Variants in FAM120B observed in about 807,000 individuals in gnomAD.
FAM120B encodes family with sequence similarity 120 member B, also known as constitutive coactivator of peroxisome proliferator-activated receptor gamma.
A neutral mutation model predicts 96.3 loss-of-function variants in FAM120B; 83 were observed. The observed-to-expected ratio is 0.86, with a 90% CI of 0.72 to 1.03. The LOEUF (loss-of-function observed/expected upper bound fraction) is 1.03. Ranked by LOEUF, FAM120B falls within the 50% of genes least tolerant of loss-of-function variation. The pLI is 0.00. For synonymous variants in FAM120B, 407 were observed against 402.7 expected (o/e 1.01, Z -0.13); for missense variants, 1,027 against 1,121.2 (o/e 0.92, Z 1.20).
chr6:170,340,300 G>A lies in FAM120B; in HGVS notation c.2018-7851G>A, dbSNP rs527840342. On this transcript the variant is annotated intron_variant, in intron 4 of 10. Transcript: ENST00000476287. ...TTGATTTGGCTATTGATACTTGTGT[G>A]TGCTTCACGAAGTTCTCGTGCTGTG... Among the ~76,000 whole-genome samples the A allele has an allele frequency of 1.1e-4, 17 of 152,082 alleles. No homozygotes were observed. The East Asian group carries it at 3.3e-3, about 29-fold the overall frequency.
intron 5 of FAM120B, among the ~76,000 whole-genome samples, chr6:170,356,192 T>C (rs948277830): frequency 1.3e-5 from 2 of 152,192 alleles, no homozygotes; most frequent in African/African-American, 2.4e-5. Context: ...AAATTTCCAC[T>C]TTACCTTTTT....
chr6:170,371,763 G>A (rs1210092775), intron 6 of FAM120B, among the ~76,000 whole-genome samples: 1 of 152,220 alleles, frequency 6.6e-6, no homozygotes, highest in African/African-American at 2.4e-5. Flanking sequence ...CTTGAAGAGT[G>A]TCTGCCATTC....
At chr6:170,302,363 C>T (rs1445711394), upstream of FAM120B, among the ~76,000 whole-genome samples, 2 of 152,168 alleles carry the variant, frequency 1.3e-5, no homozygotes, top group Non-Finnish European at 2.9e-5. Flanking sequence ...CCCACCAGGT[C>T]CTTCCCATGA....
intron 1 of FAM120B, chr6:170,298,157 C>T (rs1249846462): frequency 1.3e-5 from 2 of 152,204 alleles, no homozygotes; most frequent in Admixed American, 6.5e-5. Context: ...TCTTTCCTTT[C>T]CTTCCATTGT....
chr6:170,329,845 C>T (rs951899081), intron 3 of FAM120B, among the ~76,000 whole-genome samples: 3 of 152,148 alleles, frequency 2.0e-5, no homozygotes, highest in Non-Finnish European at 1.5e-5. Context: ...GGCCTGCTTC[C>T]CCCAGCCCTG....
In FAM120B at chr6:170,318,813, A is replaced by T; in HGVS notation, c.1423A>T (p.Met475Leu). 6.2e-7 allele frequency: 1 copy of T among 1,614,220 alleles called. No homozygotes were observed. The highest frequency in any genetic ancestry group is 8.5e-7 in the Non-Finnish European group (1 of 1,180,036). The change falls in exon 2 of 11, where the codon ATG becomes TTG. Residue 475 changes from methionine to leucine, a missense_variant. Physicochemically the swap from Met to Leu is conservative, Grantham distance 15 (BLOSUM62 2). This residue lies in a region of FAM120B where 880 missense variants were observed against 980.9 expected (regional missense o/e 0.90). Transcript: ENST00000476287. The stretch of plus-strand genomic sequence containing the variant: ...CCCTGAATCCAGGCAAGAAGTTCCC[A>T]TGTATACAGGCCCTGAATCCAGGCA... ...TGPESRQEVP[M>L]YTGPESRQEV...
rs1389357782 is a variant in FAM120B at position 170,406,775 on chromosome 6, T to G, written c.*2024T>G. Reference sequence around the variant, plus strand: ...TTCTAGATCTATTTCTTTGCACTTGTATAACTTTGAAATAAATTCCTCATC... The same window carrying G: ...TTCTAGATCTATTTCTTTGCACTTGGATAACTTTGAAATAAATTCCTCATC... On this transcript the variant is annotated 3_prime_UTR_variant, in exon 11 of 11. Coordinates refer to ENST00000476287, the MANE Select transcript of FAM120B (RefSeq NM_032448.3). The G allele has an allele frequency of 1.3e-5, 2 of 152,236 alleles. No individual in the cohort carries two copies. Among genetic ancestry groups the G allele is most frequent in the African/African-American group, 4.8e-5 (2 of 41,458 alleles). 9.4% of individuals were successfully genotyped at this position (152,236 alleles called of 1,614,324 possible).
chr6:170,290,900 G>C (rs1373663419), upstream of FAM120B: 4 of 692,364 alleles, frequency 5.8e-6, no homozygotes, highest in South Asian at 3.0e-5. The surrounding 1 kb of genome is among the most constrained non-coding windows in gnomAD (Gnocchi z 4.7). Context: ...CGGCCGGGTC[G>C]GGTCTCCGCG....
chr6:170,399,666 G>T (rs1344094443), intron 9 of FAM120B, among the ~76,000 whole-genome samples: 3 of 138,244 alleles, frequency 2.2e-5, no homozygotes, highest in African/African-American at 5.6e-5. Flanking sequence ...TCATAACTTA[G>T]GAGTGAGTGG....
At position 170,323,115 on chromosome 6, in the gene FAM120B, C is replaced by G; in HGVS notation, c.1771C>G (p.Leu591Val). 6.2e-7 allele frequency: 1 copy of G among 1,613,598 alleles called. No individual in the cohort carries two copies. The highest frequency in any genetic ancestry group is 8.5e-7 in the Non-Finnish European group (1 of 1,179,816). Residue 591 changes from leucine (L) to valine (V), a missense_variant, in exon 3 of 11, where the codon CTG (leucine) becomes GTG (valine). Leu to Val is a conservative substitution (Grantham distance 32). Around this residue, in one of 3 missense-constraint regions of FAM120B, gnomAD observed 880 missense variants for 980.9 expected, o/e 0.90. Coordinates refer to ENST00000476287, the MANE Select transcript of FAM120B (RefSeq NM_032448.3). ...ACATCACGTCCAAGCAGAAAGCTACCTGGTGTACAACATCATGAGCAGTGG... is the reference window on the plus strand; with the variant it reads ...ACATCACGTCCAAGCAGAAAGCTACGTGGTGTACAACATCATGAGCAGTGG... The part of the protein sequence containing the change: ...RTHHVQAESY[L>V]VYNIMSSGEI...
At chr6:170,351,744 G>C (rs572029680) in intron 5 of FAM120B, among the ~76,000 whole-genome samples, 1 of 152,312 alleles carries the variant, frequency 6.6e-6, no homozygotes, top group Non-Finnish European at 1.5e-5. Context: ...AATGCTTAGG[G>C]AATTTGTCAC....
At chr6:170,400,473 T>C (rs1778506279) in intron 9 of FAM120B, among the ~76,000 whole-genome samples, 1 of 152,142 alleles carries the variant, frequency 6.6e-6, no homozygotes, top group Admixed American at 6.5e-5. Context: ...CCTGCTGTGG[T>C]AGCTTCAGAC....
At chr6:170,390,939 C>G in intron 7 of FAM120B, 74 bp from the exon 8 acceptor site, 1 of 1,243,344 alleles carries the variant, frequency 8.0e-7, no homozygotes, top group South Asian at 1.3e-5. Flanking sequence ...CCCTAAGCTT[C>G]CTTCCAGCCA....
At chr6:170,404,252 A>G (rs1428356423) in intron 9 of FAM120B, 1 of 321,000 alleles carries the variant, frequency 3.1e-6, no homozygotes, top group Non-Finnish European at 5.7e-6. Context: ...TCCATTTCCA[A>G]AAGTCGTCAG....
chr6:170,358,148 T>G, intron 5 of FAM120B, 78 bp from the exon 6 acceptor site: 3 of 1,267,870 alleles, frequency 2.4e-6, no homozygotes, highest in Non-Finnish European at 3.4e-6. Context: ...ACACTCATAG[T>G]TAATAACTGA....
At chr6:170,311,983 G>T (rs961464017) in intron 1 of FAM120B, among the ~76,000 whole-genome samples, 2 of 152,110 alleles carry the variant, frequency 1.3e-5, no homozygotes, top group African/African-American at 4.8e-5. Flanking sequence ...TAGTTATGGC[G>T]TGCAATATCA....
chr6:170,306,817 T>G lies in FAM120B; in HGVS notation c.-47T>G, dbSNP rs1784310458. The G allele has an allele frequency of 6.6e-6, 1 of 152,590 alleles. No homozygotes were observed. The highest frequency in any genetic ancestry group is 6.5e-5 in the Admixed American group (1 of 15,284). The allele number at this position is 152,590 out of a possible 1,614,324, so 9.5% of individuals were successfully genotyped here. On this transcript the variant is annotated 5_prime_UTR_variant, in exon 1 of 11. Transcript: ENST00000476287. ...GGGCCTAGGGTGCAGCGGGCGCGTC[T>G]GCGGCTGGTGTTGGCGCATCTCTAG...
At chr6:170,351,777 C>T (rs1013684692) in intron 5 of FAM120B, among the ~76,000 whole-genome samples, 16 of 152,326 alleles carry the variant, frequency 1.1e-4, no homozygotes, top group Admixed American at 1.0e-3. Flanking sequence ...CTTGCAAGAG[C>T]TCTTGAAGGA....
upstream of FAM120B, among the ~76,000 whole-genome samples, chr6:170,306,053 T>C (rs1263178526): frequency 6.6e-6 from 1 of 152,194 alleles, no homozygotes; most frequent in African/African-American, 2.4e-5. Context: ...TGCCTCTGCC[T>C]TTCCTCTCTC....
Sources: allele counts gnomAD v4.1 joint callset (sites outside exome capture counted in the v4.1 genomes callset), GRCh38; gene constraint gnomAD v4.1.1; regional missense constraint gnomAD v4.1.1; non-coding constraint Gnocchi (gnomAD v3.1); transcripts MANE v1.5; gene names NCBI Gene and HGNC (gene_info 2026-07-23, HGNC 2026-07-21).